CCDC142: variants seen among roughly 807,000 people sequenced by gnomAD.
The protein encoded by CCDC142 is coiled-coil domain-containing protein 142.
CCDC142 carries 67 observed loss-of-function variants against 83.8 expected under a neutral mutation model. That is an observed-to-expected ratio of 0.80 (90% CI 0.66 to 0.98). The LOEUF is 0.98. CCDC142 is among the 50% of genes least tolerant of loss of function. The probability of loss-of-function intolerance (pLI) is 0.00; values close to 1 mark genes in which losing one functional copy is unlikely to be tolerated. For missense variants in CCDC142, 905 were observed against 946.8 expected, an observed-to-expected ratio of 0.96 and a Z score of 0.58; for synonymous variants, 421 against 421.2, an observed-to-expected ratio of 1.00 and a Z score of 0.01.
intron 5 of CCDC142, among the ~76,000 whole-genome samples, chr2:74,478,683 T>C (rs1672380533): frequency 6.6e-6 from 1 of 151,796 alleles, no homozygotes; most frequent in African/African-American, 2.4e-5. Flanking sequence ...AAGACCAGCC[T>C]GGGCAACATG....
chr2:74,476,782 A>G lies in CCDC142; in HGVS notation c.1504-1056T>C, dbSNP rs946383875. Among the ~76,000 whole-genome samples, 6 of 152,332 alleles carry G rather than the reference A, an allele frequency of 3.9e-5. No homozygotes were observed. In the East Asian group the frequency reaches 1.2e-3, roughly 29 times the overall value. ...CATCTTGAGGGAGAGGAACCCCAGTAAATGTGGTTAATGGCAGCTGCTCTG... is the reference window on the plus strand; with the variant it reads ...CATCTTGAGGGAGAGGAACCCCAGTGAATGTGGTTAATGGCAGCTGCTCTG... On this transcript the variant is annotated intron_variant, in intron 5 of 8. Coordinates refer to ENST00000393965, the MANE Select transcript of CCDC142 (RefSeq NM_001365575.2).
chr2:74,479,187 A>C (rs1672392127), intron 5 of CCDC142, among the ~76,000 whole-genome samples: 1 of 151,916 alleles, frequency 6.6e-6, no homozygotes, highest in African/African-American at 2.4e-5. Flanking sequence ...GTGAGACCCC[A>C]TCTTAGAAAA....
At chr2:74,475,977 T>C (rs1343964827) in intron 5 of CCDC142, among the ~76,000 whole-genome samples, 1 of 150,608 alleles carries the variant, frequency 6.6e-6, no homozygotes, top group African/African-American at 2.5e-5. Context: ...TGGAAAATCC[T>C]TGAGGTTAAT....
Position 74,482,131 on chromosome 2 carries a change from A to G in CCDC142, c.707T>C (p.Leu236Pro). The change falls in exon 1 of 9, where the codon CTC (leucine) becomes CCC (proline). Residue 236 changes from leucine to proline, a missense_variant. This residue lies in a region of CCDC142 where 591 missense variants were observed against 571.4 expected (regional missense o/e 1.03). Transcript: ENST00000393965. This position sits in a 1 kb window ranked among gnomAD's most constrained non-coding sequence, Gnocchi z 5.0. ...ACCCCGCTCCCCCGTCAAGAGGCGG[A>G]GCACACGGGACGTGGGGAAAGGACG... ...AARPFPTSRV[L>P]RLLTGERGCQ... is the part of the protein sequence containing the mutation. 6.2e-7 allele frequency: 1 copy of G among 1,613,706 alleles called. No individual in the cohort carries two copies. The highest frequency in any genetic ancestry group is 8.5e-7 in the Non-Finnish European group (1 of 1,179,954).
Position 74,473,939 on chromosome 2 carries a change from A to C in CCDC142, c.*607T>G, listed in dbSNP as rs1047528662. On this transcript the variant is annotated 3_prime_UTR_variant, in exon 9 of 9. Transcript: ENST00000393965. ...AGGCATGCGCCACCACACCTGGCTA[A>C]TTTTGTATTTTTAGTAGAGACGGGG... 2 of 148,690 alleles carry C rather than the reference A, an allele frequency of 1.3e-5. No individual in the cohort carries two copies. The highest frequency in any genetic ancestry group is 6.7e-5 in the Admixed American group (1 of 14,884). 9.2% of individuals were successfully genotyped at this position (148,690 alleles called of 1,614,324 possible).
chr2:74,475,012 T>C lies in CCDC142; in HGVS notation c.1900A>G (p.Met634Val). 2 of 1,614,040 alleles carry C rather than the reference T, an allele frequency of 1.2e-6. No individual in the cohort carries two copies. The highest frequency in any genetic ancestry group is 1.7e-6 in the Non-Finnish European group (2 of 1,179,970). ...TCCAGCTGCTGGAAGATGCTGAGCA[T>C]GAGCAGGGTCTGGCGGAGATCAGGG... The part of the protein sequence containing the change: ...LSPDLRQTLL[M>V]LSIFQQLDGA... Residue 634 changes from methionine (M) to valine (V), a missense_variant, in exon 8 of 9, where the codon ATG becomes GTG. Met to Val is a conservative substitution (Grantham distance 21). Transcript: ENST00000393965.
rs1672593754 is a variant in CCDC142 at position 74,482,964 on chromosome 2, A to C, written c.-127T>G. On this transcript the variant is annotated 5_prime_UTR_variant, in exon 1 of 9. An upstream start codon of the reference 5' UTR is lost. Transcript: ENST00000393965. The surrounding 1 kb of genome is among the most constrained non-coding windows in gnomAD (Gnocchi z 5.0). ...CAGTCCGGGAGTCGCGGGGACCTTC[A>C]TGGACTCTCTCGTGCTCCGTAATGG... 1 of 1,562,242 alleles carries C rather than the reference A, an allele frequency of 6.4e-7. No homozygotes were observed. The highest frequency in any genetic ancestry group is 8.8e-7 in the Non-Finnish European group (1 of 1,140,778).
chr2:74,476,765 G>A (rs1465961942), intron 5 of CCDC142, among the ~76,000 whole-genome samples: 1 of 152,216 alleles, frequency 6.6e-6, no homozygotes, highest in East Asian at 1.9e-4. Context: ...CCCATCTTGA[G>A]GGAGAGGAAC....
intron 5 of CCDC142, among the ~76,000 whole-genome samples, chr2:74,479,043 A>C (rs1244232474): frequency 1.3e-5 from 2 of 150,606 alleles, no homozygotes; most frequent in Admixed American, 6.6e-5. Flanking sequence ...AAAAAAAAAA[A>C]AGTAGCTGGG....
intron 5 of CCDC142, among the ~76,000 whole-genome samples, chr2:74,480,346 T>C (rs1364525259): frequency 2.0e-5 from 3 of 152,148 alleles, no homozygotes; most frequent in African/African-American, 7.2e-5. Context: ...CCCAGCACTT[T>C]GGGAGACCAA....
rs1473831113 is a variant in CCDC142, at chr2:74,482,756, C to T, written c.82G>A (p.Glu28Lys). 1 of 1,601,524 alleles carries T rather than the reference C, an allele frequency of 6.2e-7. No individual in the cohort carries two copies. Among genetic ancestry groups the T allele is most frequent in the Non-Finnish European group, 8.5e-7 (1 of 1,179,962 alleles). The change falls in exon 1 of 9, where the codon GAG (glutamate) becomes AAG (lysine). Residue 28 changes from glutamate to lysine, a missense_variant. Transcript: ENST00000393965. This position sits in a 1 kb window ranked among gnomAD's most constrained non-coding sequence, Gnocchi z 5.0. ...PLRAQPGGTG[E>K]EQWERSRTGG... ...GTTCGACTTCTCTCCCACTGCTCCT[C>T]CCCAGTGCCCCCGGGTTGCGCCCTC...
chr2:74,481,104 AGAGT>A lies in CCDC142; in HGVS notation c.1259-22_1259-19del, dbSNP rs753774752. 7.5e-6 allele frequency: 12 copies of A among 1,609,836 alleles called. No homozygotes were observed. Among genetic ancestry groups the A allele is most frequent in the Non-Finnish European group, 1.0e-5 (12 of 1,176,202 alleles). On this transcript the variant is annotated intron_variant, in intron 3 of 8. Transcript: ENST00000393965. ...CGCAGGATCTGGGGATTTGAGCAGC[AGAGT>A]GAGTATCTTAGGGGTCATGGAGTAC...
At chr2:74,479,025 C>CAA (rs56291332) in intron 5 of CCDC142, among the ~76,000 whole-genome samples, 5 of 62,082 alleles carry the variant, frequency 8.1e-5, no homozygotes, top group South Asian at 4.9e-4. Context: ...GACACCTTCT[C>CAA]AAAAAAAAAA....
Position 74,475,019 on chromosome 2 carries a change from G to C in CCDC142, c.1893C>G (p.Thr631=). The C allele has an allele frequency of 2.5e-6, 4 of 1,614,082 alleles. No homozygotes were observed. The highest frequency in any genetic ancestry group is 3.4e-6 in the Non-Finnish European group (4 of 1,179,988). The change falls in exon 8 of 9, where the codon ACC becomes ACG. Residue 631 remains threonine (T), a synonymous_variant. Coordinates refer to ENST00000393965, the MANE Select transcript of CCDC142 (RefSeq NM_001365575.2). Reference sequence around the variant, plus strand: ...GCTGGAAGATGCTGAGCATGAGCAGGGTCTGGCGGAGATCAGGGGACAGGC... The same window carrying C: ...GCTGGAAGATGCTGAGCATGAGCAGCGTCTGGCGGAGATCAGGGGACAGGC... The part of the protein sequence containing the change: ...QWSLSPDLRQ[T]LLMLSIFQQL...
In CCDC142 at chr2:74,480,780, C is replaced by A; in HGVS notation, c.1492G>T (p.Ala498Ser). The part of the protein sequence containing the change: ...QLGLEIQKLT[A>S]QIQLLPEESL... ...GCCCCTGTTCTCACCTGGATCTGTG[C>A]AGTCAGCTTCTGGATCTCCAGGCCC... Residue 498 changes from alanine (A) to serine (S), a missense_variant, in exon 5 of 9, where the codon GCA becomes TCA. By Grantham distance (99) the Ala-to-Ser change is moderately conservative. Transcript: ENST00000393965. 6.2e-7 allele frequency: 1 copy of A among 1,612,322 alleles called. No homozygotes were observed. Among genetic ancestry groups the A allele is most frequent in the South Asian group, 1.1e-5 (1 of 90,966 alleles).
intron 5 of CCDC142, among the ~76,000 whole-genome samples, chr2:74,476,782 A>C (rs946383875): frequency 1.3e-5 from 2 of 152,214 alleles, no homozygotes; most frequent in African/African-American, 4.8e-5. Flanking sequence ...GAACCCCAGT[A>C]AATGTGGTTA....
At chr2:74,478,978 A>G (rs146190588) in intron 5 of CCDC142, among the ~76,000 whole-genome samples, 3,394 of 150,470 alleles carry the variant, frequency 0.023, 51 homozygotes, top group Non-Finnish European at 0.036. Context: ...GTGAGTAGAG[A>G]TCACGCCACT....
In CCDC142 at chr2:74,482,562, C is replaced by G. The variant is rs768136545; in HGVS notation, c.276G>C (p.Arg92=). 2 of 1,601,680 alleles carry G rather than the reference C, an allele frequency of 1.2e-6. No individual in the cohort carries two copies. Among genetic ancestry groups the G allele is most frequent in the Non-Finnish European group, 1.7e-6 (2 of 1,173,456 alleles). The part of the protein sequence containing the change: ...GPIPPALQRL[R]AVLLRLHRER... The stretch of plus-strand genomic sequence containing the variant: ...CGCGATGCAGCCGCAGCAACACCGC[C>G]CGGAGACGCTGCAGCGCGGGAGGGA... The change falls in exon 1 of 9, where the codon CGG becomes CGC. Residue 92 remains arginine (R), a synonymous_variant. Transcript: ENST00000393965. This position sits in a 1 kb window ranked among gnomAD's most constrained non-coding sequence, Gnocchi z 5.0.
chr2:74,480,627 A>G, intron 5 of CCDC142, 142 bp downstream of exon 5: 1 of 580,224 alleles, frequency 1.7e-6, no homozygotes, highest in Non-Finnish European at 3.0e-6. Context: ...GAGAACAAAA[A>G]ATGAACAGAG....
Sources: gnomAD v4.1 joint callset for allele counts (sites outside exome capture counted in the v4.1 genomes callset) on GRCh38, gnomAD v4.1.1 for gene constraint, gnomAD v4.1.1 regional missense constraint, Gnocchi (gnomAD v3.1) non-coding constraint, MANE v1.5 for transcripts, NCBI Gene and HGNC (gene_info 2026-07-23, HGNC 2026-07-21) for gene names.